The following SLC35F3 variants were observed in gnomAD, a reference collection of about 807,000 sequenced individuals.
SLC35F3 encodes the protein solute carrier family 35 member F3, also known as putative thiamine transporter SLC35F3.
SLC35F3 carries 25 observed loss-of-function variants against 49.9 expected under a neutral mutation model. The ratio of observed to expected loss-of-function variants is 0.50; its 90% CI spans 0.37 to 0.70. The LOEUF (loss-of-function observed/expected upper bound fraction) is 0.70, where lower values mean the gene tolerates loss of function less well. Among genes scored for constraint, SLC35F3 ranks in the 30% least tolerant of loss-of-function variants. The pLI, the probability that SLC35F3 is intolerant of heterozygous loss-of-function variation, is 0.00. For missense variants in SLC35F3, 525 were observed against 639.8 expected (o/e 0.82, Z 1.94); for synonymous variants, 275 against 265.4 (o/e 1.04, Z -0.35).
intron 2 of SLC35F3, among the ~76,000 whole-genome samples, chr1:234,119,465 A>T (rs1665541183): frequency 6.6e-6 from 1 of 152,222 alleles, no homozygotes; most frequent in African/African-American, 2.4e-5. Flanking sequence ...TTAAAATAGC[A>T]TGATGGGTCC....
At chr1:233,992,202 G>A (rs889770112) in intron 2 of SLC35F3, among the ~76,000 whole-genome samples, 2 of 152,148 alleles carry the variant, frequency 1.3e-5, no homozygotes, top group East Asian at 3.9e-4. Flanking sequence ...TTTATTTTGA[G>A]ATCTGTTTGC....
chr1:233,924,103 A>C (rs1169133033), intron 2 of SLC35F3, among the ~76,000 whole-genome samples: 4 of 152,184 alleles, frequency 2.6e-5, no homozygotes, highest in African/African-American at 4.8e-5. Flanking sequence ...GTCTAAAATT[A>C]TCTTTTTTTG....
chr1:234,235,551 A>G (rs929252669), intron 3 of SLC35F3, among the ~76,000 whole-genome samples: 1 of 152,218 alleles, frequency 6.6e-6, no homozygotes, highest in African/African-American at 2.4e-5. Flanking sequence ...AGGTCAGCAG[A>G]GCTGGAGCAG....
In SLC35F3 at chr1:234,219,183, T is replaced by C. The variant is rs548242491; in HGVS notation, c.284-12234T>C. On this transcript the variant is annotated intron_variant, in intron 2 of 7. Transcript: ENST00000366618. ...ATTCTTAGTGCCTCTCCTTTGGGAGTGTTGGGTGATCTCAGCTGCCCCCAG... is the reference window on the plus strand; with the variant it reads ...ATTCTTAGTGCCTCTCCTTTGGGAGCGTTGGGTGATCTCAGCTGCCCCCAG... Among the ~76,000 whole-genome samples, 3 of 149,570 alleles carry C rather than the reference T, an allele frequency of 2.0e-5. No individual in the cohort carries two copies. In the South Asian group the frequency reaches 6.4e-4, roughly 32 times the overall value.
chr1:233,908,077 G>A (rs1416910186), intron 2 of SLC35F3, among the ~76,000 whole-genome samples: 1 of 151,908 alleles, frequency 6.6e-6, no homozygotes, highest in African/African-American at 2.4e-5. Flanking sequence ...CTACTCAATT[G>A]ATAATAATAA....
At chr1:234,115,599 T>A (rs1248705750) in intron 2 of SLC35F3, among the ~76,000 whole-genome samples, 3 of 152,234 alleles carry the variant, frequency 2.0e-5, no homozygotes, top group Non-Finnish European at 4.4e-5. Context: ...TATTTTGAAA[T>A]AATTTCAGAC....
In SLC35F3 at chr1:234,041,250, T is replaced by C. The variant is rs111937567; in HGVS notation, c.283+135492T>C. Reference sequence around the variant, plus strand: ...AGTGTTTGTTTCTCACTCCTGTCACTGTGTGACAGTGGTCTGCTGGATCTT... The same window carrying C: ...AGTGTTTGTTTCTCACTCCTGTCACCGTGTGACAGTGGTCTGCTGGATCTT... On this transcript the variant is annotated intron_variant, in intron 2 of 7. Coordinates refer to ENST00000366618, the MANE Select transcript of SLC35F3 (RefSeq NM_173508.4). 7.2e-5 allele frequency among the ~76,000 whole-genome samples: 11 copies of C among 152,290 alleles called. 1 individual carries two copies. The highest frequency in any genetic ancestry group is 2.6e-4 in the Admixed American group (4 of 15,298).
chr1:233,920,443 G>A (rs1571979518), intron 2 of SLC35F3, among the ~76,000 whole-genome samples: 1 of 152,198 alleles, frequency 6.6e-6, no homozygotes, highest in African/African-American at 2.4e-5. Flanking sequence ...TACTCATAAA[G>A]CTGCCACAAG....
At chr1:234,201,280 G>A (rs1195414593) in intron 2 of SLC35F3, among the ~76,000 whole-genome samples, 1 of 152,168 alleles carries the variant, frequency 6.6e-6, no homozygotes, top group Non-Finnish European at 1.5e-5. Flanking sequence ...TTCTGGGCAG[G>A]GCTGTAGCTA....
intron 2 of SLC35F3, among the ~76,000 whole-genome samples, chr1:234,108,752 GATA>G (rs1572055235): frequency 2.3e-5 from 2 of 86,692 alleles, no homozygotes; most frequent in East Asian, 6.9e-4. Flanking sequence ...ATATATAAAA[GATA>G]TATATAAATA....
At chr1:234,227,968 T>G (rs987776776) in intron 2 of SLC35F3, among the ~76,000 whole-genome samples, 43 of 152,306 alleles carry the variant, frequency 2.8e-4, no homozygotes, top group African/African-American at 9.1e-4. Context: ...AGAAAATAAA[T>G]GCATCTGCTA....
intron 2 of SLC35F3, among the ~76,000 whole-genome samples, chr1:234,030,023 G>C (rs530745460): frequency 6.6e-6 from 1 of 152,172 alleles, no homozygotes; most frequent in African/African-American, 2.4e-5. Context: ...TTCAAATAAT[G>C]TTCAAATTAT....
intron 2 of SLC35F3, among the ~76,000 whole-genome samples, chr1:233,927,567 G>A (rs920669041): frequency 2.0e-5 from 3 of 151,844 alleles, no homozygotes; most frequent in South Asian, 2.1e-4. Flanking sequence ...AATAACTATC[G>A]AACTTGTGAG....
intron 3 of SLC35F3, among the ~76,000 whole-genome samples, chr1:234,273,748 TG>T (rs1250400642): frequency 6.6e-6 from 1 of 151,924 alleles, no homozygotes; most frequent in Non-Finnish European, 1.5e-5. Flanking sequence ...AATGGAGAAA[TG>T]GGGACTTGAT....
intron 4 of SLC35F3, among the ~76,000 whole-genome samples, chr1:234,314,704 G>C (rs1657442966): frequency 6.6e-6 from 1 of 152,234 alleles, no homozygotes; most frequent in Non-Finnish European, 1.5e-5. Context: ...AGAGGTTGCA[G>C]TAAGCCGAGG....
At position 234,320,049 on chromosome 1, in the gene SLC35F3, G is replaced by A. The variant is rs746880050; in HGVS notation, c.1148-49G>A. On this transcript the variant is annotated intron_variant, in intron 6 of 7. Transcript: ENST00000366618. The surrounding 1 kb of genome is among the most constrained non-coding windows in gnomAD (Gnocchi z 4.8). ...TCAGATAGGCCAGCAGGGAGGTAAA[G>A]TACACAGCAGTCATGAATAACACTC... The A allele has an allele frequency of 1.3e-5, 17 of 1,341,456 alleles. No individual in the cohort carries two copies. The African/African-American group carries it at 1.4e-4, about 11-fold the overall frequency. The allele number at this position is 1,341,456 out of a possible 1,614,324, so 83.1% of individuals were successfully genotyped here.
At chr1:234,023,596 C>T (rs1489150994) in intron 2 of SLC35F3, among the ~76,000 whole-genome samples, 1 of 152,012 alleles carries the variant, frequency 6.6e-6, no homozygotes, top group Admixed American at 6.5e-5. Flanking sequence ...TGGAGCTGTG[C>T]ATGGTGACTT....
chr1:234,292,124 A>G (rs938431178), intron 3 of SLC35F3, among the ~76,000 whole-genome samples: 1 of 152,246 alleles, frequency 6.6e-6, no homozygotes, highest in Non-Finnish European at 1.5e-5. Flanking sequence ...ATCCACTCCT[A>G]TAAACACTGC....
intron 2 of SLC35F3, among the ~76,000 whole-genome samples, chr1:234,049,551 G>C (rs1484162111): frequency 6.6e-6 from 1 of 152,180 alleles, no homozygotes; most frequent in Non-Finnish European, 1.5e-5. Flanking sequence ...CATTTCTGTT[G>C]TTTAGGCCAC....
Sources: allele counts gnomAD v4.1 joint callset (sites outside exome capture counted in the v4.1 genomes callset), GRCh38; gene constraint gnomAD v4.1.1; non-coding constraint Gnocchi (gnomAD v3.1); transcripts MANE v1.5; gene names NCBI Gene and HGNC (gene_info 2026-07-23, HGNC 2026-07-21).